SCMH1: variants seen among roughly 807,000 people sequenced by gnomAD.
SCMH1 encodes the protein Scm polycomb group protein homolog 1, also known as polycomb protein SCMH1.
SCMH1 carries 37 observed loss-of-function variants against 70.8 expected under a neutral mutation model. The observed-to-expected ratio is 0.52, with a 90% CI of 0.40 to 0.69. SCMH1 has a LOEUF of 0.69. SCMH1 is among the 30% of genes least tolerant of loss of function. The pLI is 0.00. For synonymous variants in SCMH1, 292 were observed against 307.4 expected (o/e 0.95, Z 0.52); for missense variants, 607 against 827.3 (o/e 0.73, Z 3.27).
At chr1:41,054,563 A>T (rs1649529458) in intron 10 of SCMH1, among the ~76,000 whole-genome samples, 1 of 152,240 alleles carries the variant, frequency 6.6e-6, no homozygotes, top group Non-Finnish European at 1.5e-5. Context: ...TATGCTGTGC[A>T]GACTCTCAGG....
At chr1:41,048,640 G>T in intron 11 of SCMH1, 50 bp downstream of exon 11, 1 of 1,534,708 alleles carries the variant, frequency 6.5e-7, no homozygotes, top group South Asian at 1.1e-5. Context: ...AACCAGTTGA[G>T]AAGGTGGGTC....
intron 12 of SCMH1, among the ~76,000 whole-genome samples, chr1:41,039,664 G>T (rs1269838285): frequency 6.6e-6 from 1 of 151,724 alleles, no homozygotes; most frequent in Non-Finnish European, 1.5e-5. Context: ...AGCAGAGATG[G>T]GATTTTGCCA....
In SCMH1 at chr1:41,104,995, G is replaced by T. The variant is rs543585454; in HGVS notation, c.745+8288C>A. Among the ~76,000 whole-genome samples, 19 of 151,190 alleles carry T rather than the reference G, an allele frequency of 1.3e-4. No individual in the cohort carries two copies. The South Asian group carries it at 3.8e-3, about 30-fold the overall frequency. On this transcript the variant is annotated intron_variant, in intron 8 of 14. Transcript: ENST00000337495. ...TTTGAGATGGAGTTTCACTCTTGTTGCCCAGGCTGGAGTGCAGTGGCACAA... is the reference window on the plus strand; with the variant it reads ...TTTGAGATGGAGTTTCACTCTTGTTTCCCAGGCTGGAGTGCAGTGGCACAA...
At chr1:41,181,496 T>G (rs1648756546) in intron 2 of SCMH1, among the ~76,000 whole-genome samples, 1 of 151,846 alleles carries the variant, frequency 6.6e-6, no homozygotes, top group Admixed American at 6.6e-5. Context: ...TCAAACAAAT[T>G]TACAAGAAAA....
chr1:41,059,281 C>T (rs895641547), intron 10 of SCMH1, among the ~76,000 whole-genome samples: 6 of 152,202 alleles, frequency 3.9e-5, no homozygotes, highest in Admixed American at 6.5e-5. Flanking sequence ...TTCCTGTTTT[C>T]GTGCCCAAAT....
intron 8 of SCMH1, among the ~76,000 whole-genome samples, chr1:41,111,441 G>A (rs887438366): frequency 1.3e-5 from 2 of 152,180 alleles, no homozygotes; most frequent in Admixed American, 1.3e-4. Context: ...TCAGGTTCAA[G>A]CAATTCTCCT....
At chr1:41,070,463 A>G (rs1396016823) in intron 10 of SCMH1, 132 bp downstream of exon 10, 6 of 1,212,550 alleles carry the variant, frequency 4.9e-6, no homozygotes, top group Non-Finnish European at 6.7e-6. Context: ...CAAATGCCAA[A>G]GATAAAATTT....
At chr1:41,039,951 C>CT (rs11369029) in intron 12 of SCMH1, among the ~76,000 whole-genome samples, 109,442 of 147,212 alleles carry the variant, frequency 0.74, 41,089 homozygotes, top group African/African-American at 0.88. Flanking sequence ...TGCCAAAAAA[C>CT]TTTTTTTTTT....
chr1:41,046,544 G>A (rs765114792), exon 12 of SCMH1: 4 of 1,614,208 alleles, frequency 2.5e-6, no homozygotes, highest in Non-Finnish European at 3.4e-6. Context: ...GAGGACGTAG[G>A]TGATGCTGTT....
At chr1:41,237,142 T>C (rs984047504) in intron 1 of SCMH1, among the ~76,000 whole-genome samples, 3 of 152,224 alleles carry the variant, frequency 2.0e-5, no homozygotes, top group Non-Finnish European at 4.4e-5. Flanking sequence ...TGCCAGGGGT[T>C]GTGCGGTTAA....
intron 9 of SCMH1, among the ~76,000 whole-genome samples, chr1:41,073,152 C>T (rs1444569252): frequency 6.6e-6 from 1 of 152,176 alleles, no homozygotes; most frequent in East Asian, 1.9e-4. Flanking sequence ...CAACCATCTA[C>T]CCAATACTTC....
At chr1:41,114,208 T>C (rs766178883) in intron 7 of SCMH1, among the ~76,000 whole-genome samples, 3 of 152,218 alleles carry the variant, frequency 2.0e-5, no homozygotes, top group Admixed American at 6.5e-5. Context: ...AGGGTAGATA[T>C]ATACATCTTC....
chr1:41,190,752 G>A lies in SCMH1; in HGVS notation c.-117-4502C>T, dbSNP rs116761843. ...AAGCCTTACAGAAGTGTGATATGGG[G>A]ACAGAAGACATAACAACAGCATCAT... On this transcript the variant is annotated intron_variant, in intron 1 of 14. Coordinates refer to ENST00000337495, the Ensembl canonical transcript of SCMH1. Among the ~76,000 whole-genome samples the A allele has an allele frequency of 7.7e-3, 1,174 of 152,268 alleles. 20 individuals carry two copies. Among genetic ancestry groups the A allele is most frequent in the African/African-American group, 0.027 (1,130 of 41,532 alleles).
intron 6 of SCMH1, among the ~76,000 whole-genome samples, chr1:41,121,642 A>C (rs1671976503): frequency 6.6e-6 from 1 of 152,134 alleles, no homozygotes; most frequent in Non-Finnish European, 1.5e-5. Flanking sequence ...TTAAATGATG[A>C]CTGTCAATTT....
chr1:41,134,594 A>G (rs542108934), intron 6 of SCMH1, among the ~76,000 whole-genome samples: 5 of 152,360 alleles, frequency 3.3e-5, no homozygotes, highest in Non-Finnish European at 7.3e-5. Flanking sequence ...TACAAAGTCA[A>G]TATGTATTTT....
intron 1 of SCMH1, among the ~76,000 whole-genome samples, chr1:41,208,442 A>AT (rs55815290): frequency 0.14 from 20,114 of 142,436 alleles, 1,767 homozygotes; most frequent in East Asian, 0.28. Context: ...AATTAAAAAA[A>AT]AAAAATAAAA....
intron 6 of SCMH1, among the ~76,000 whole-genome samples, chr1:41,120,232 T>G (rs1296172076): frequency 5.3e-5 from 8 of 152,238 alleles, no homozygotes; most frequent in Admixed American, 5.2e-4. Context: ...CTATCTCATC[T>G]GAAGCTTAAG....
chr1:41,175,128 T>C (rs1348941350), intron 2 of SCMH1, among the ~76,000 whole-genome samples: 2 of 152,226 alleles, frequency 1.3e-5, no homozygotes, highest in African/African-American at 4.8e-5. Context: ...TCTGTGGTGG[T>C]ATTTATTGAA....
chr1:41,040,911 AAAAGG>A (rs138355593), intron 12 of SCMH1, among the ~76,000 whole-genome samples: 11,876 of 152,088 alleles, frequency 0.078, 593 homozygotes, highest in South Asian at 0.13. Flanking sequence ...CAACAACAAA[AAAAGG>A]AGGGCATTTT....
Sources: gnomAD v4.1 joint callset for allele counts (sites outside exome capture counted in the v4.1 genomes callset) on GRCh38, gnomAD v4.1.1 for gene constraint, MANE v1.5 for transcripts, NCBI Gene and HGNC (gene_info 2026-07-23, HGNC 2026-07-21) for gene names.